The following THRAP3 variants were observed in gnomAD, a reference collection of about 807,000 sequenced individuals.
THRAP3 encodes the protein thyroid hormone receptor-associated protein 3.
A neutral mutation model predicts 101.0 loss-of-function variants in THRAP3; 16 were observed. That is an observed-to-expected ratio of 0.16 (90% CI 0.11 to 0.24). THRAP3 has a LOEUF of 0.24. THRAP3 is among the 10% of genes least tolerant of loss of function. The probability of loss-of-function intolerance (pLI) is 1.00; values close to 1 mark genes in which losing one functional copy is unlikely to be tolerated. For missense variants in THRAP3, 989 were observed against 1,202.7 expected, an observed-to-expected ratio of 0.82 and a Z score of 2.63; for synonymous variants, 407 against 422.6, an observed-to-expected ratio of 0.96 and a Z score of 0.45.
At position 36,291,451 on chromosome 1, in the gene THRAP3, G is replaced by A. The variant is rs41303413; in HGVS notation, c.1823G>A (p.Arg608His). Residue 608 changes from arginine (R) to histidine (H), a missense_variant, in exon 6 of 12, where the codon CGT becomes CAT. Physicochemically the swap from Arg to His is conservative, Grantham distance 29. Transcript: ENST00000354618. ...VHSNKKEQEF[R>H]SIFQHIQSAQ... ...AGCAACAAAAAGGAACAGGAGTTTC[G>A]TTCCATTTTCCAGCACATACAATCA... 1,604 of 1,614,192 alleles carry A rather than the reference G, an allele frequency of 9.9e-4. 2 individuals carry two copies. The highest frequency in any genetic ancestry group is 1.2e-3 in the Non-Finnish European group (1,453 of 1,180,044).
intron 8 of THRAP3, 95 bp downstream of exon 8, chr1:36,294,030 G>GT: frequency 6.5e-7 from 1 of 1,539,820 alleles, no homozygotes; most frequent in Non-Finnish European, 8.8e-7. Flanking sequence ...CTCTACTTAA[G>GT]TTTGTGTTTT....
the THRAP3 span, among the ~76,000 whole-genome samples, chr1:36,216,341 G>A: frequency 4.6e-5 from 7 of 151,834 alleles, no homozygotes; most frequent in East Asian, 1.2e-3. Context: ...CCAACATGGT[G>A]AAACCCCGTC....
chr1:36,226,438 G>A (rs1484968011), intron 1 of THRAP3, among the ~76,000 whole-genome samples: 1 of 151,914 alleles, frequency 6.6e-6, no homozygotes, highest in African/African-American at 2.4e-5. Flanking sequence ...TTTTGTATTT[G>A]TAGTAGAGAC....
the THRAP3 span, among the ~76,000 whole-genome samples, chr1:36,212,766 A>C: frequency 6.6e-6 from 1 of 152,152 alleles, no homozygotes; most frequent in Non-Finnish European, 1.5e-5. Flanking sequence ...CCAGAAGAAG[A>C]GGAGTGGAAG....
At chr1:36,256,774 A>G (rs546206270) in intron 1 of THRAP3, among the ~76,000 whole-genome samples, 4 of 152,214 alleles carry the variant, frequency 2.6e-5, no homozygotes, top group Non-Finnish European at 5.9e-5. Context: ...CCAACAGCTC[A>G]TTGGTAACCG....
At chr1:36,275,116 TACACAC>T (rs142851565) in intron 2 of THRAP3, among the ~76,000 whole-genome samples, 7 of 139,604 alleles carry the variant, frequency 5.0e-5, no homozygotes, top group East Asian at 2.2e-4. Flanking sequence ...TACTAAAAAA[TACACAC>T]ACACACACAC....
intron 1 of THRAP3, among the ~76,000 whole-genome samples, chr1:36,238,850 C>T (rs570929118): frequency 1.3e-5 from 2 of 152,224 alleles, no homozygotes; most frequent in South Asian, 4.2e-4. Context: ...GATCCTTCCA[C>T]CTCAGCTTCA....
chr1:36,237,106 G>A (rs948313799), intron 1 of THRAP3, among the ~76,000 whole-genome samples: 5 of 152,156 alleles, frequency 3.3e-5, no homozygotes, highest in East Asian at 1.9e-4. Context: ...AACCTGGGAG[G>A]TGGAGGTTGC....
chr1:36,267,421 T>G (rs967482281), intron 2 of THRAP3, among the ~76,000 whole-genome samples: 1 of 152,082 alleles, frequency 6.6e-6, no homozygotes, highest in Non-Finnish European at 1.5e-5. Context: ...GATGAAAAAA[T>G]AGAGGTAAAA....
chr1:36,260,738 T>C (rs1270070758), intron 2 of THRAP3, among the ~76,000 whole-genome samples: 2 of 149,310 alleles, frequency 1.3e-5, no homozygotes, highest in Non-Finnish European at 3.0e-5. Context: ...AGGAGAATGG[T>C]GTGAACCCAG....
intron 8 of THRAP3, among the ~76,000 whole-genome samples, chr1:36,295,176 T>G (rs1384230500): frequency 7.5e-6 from 1 of 133,946 alleles, no homozygotes; most frequent in Non-Finnish European, 1.5e-5. Context: ...TGAGCCAAGA[T>G]CCCGCCATTG....
Position 36,303,909 on chromosome 1 carries a change from C to G in THRAP3, c.2760C>G (p.Pro920=), listed in dbSNP as rs61739316. The change falls in exon 12 of 12, where the codon CCC becomes CCG. Residue 920 remains proline (P), a synonymous_variant. Transcript: ENST00000354618. ...TGTTCCGGAAATCAAGTACCAGCCC[C>G]AAGTGGGCCCATGACAAGTTCAGTG... The part of the protein sequence containing the change: ...RFMFRKSSTS[P]KWAHDKFSGE... 4.1e-5 allele frequency: 66 copies of G among 1,613,568 alleles called. No homozygotes were observed. The African/African-American group carries it at 8.4e-4, about 21-fold the overall frequency.
At chr1:36,245,270 G>A (rs1017172646) in intron 1 of THRAP3, among the ~76,000 whole-genome samples, 6 of 150,760 alleles carry the variant, frequency 4.0e-5, no homozygotes, top group Non-Finnish European at 7.4e-5. Context: ...AGGTTCAAGC[G>A]ATTCTCCTGC....
intron 2 of THRAP3, among the ~76,000 whole-genome samples, chr1:36,278,804 T>G (rs897290373): frequency 1.3e-5 from 2 of 151,992 alleles, no homozygotes; most frequent in Admixed American, 6.6e-5. Context: ...GCGCCTGTAA[T>G]TCCAGCTACT....
intron 6 of THRAP3, among the ~76,000 whole-genome samples, chr1:36,291,909 A>G (rs761876605): frequency 5.3e-5 from 8 of 152,176 alleles, no homozygotes; most frequent in Non-Finnish European, 7.3e-5. Flanking sequence ...AAAGTATTCT[A>G]TCATCCCCCT....
chr1:36,288,675 T>G (rs190905367), intron 4 of THRAP3: 6 of 985,404 alleles, frequency 6.1e-6, no homozygotes, highest in Non-Finnish European at 7.2e-6. Flanking sequence ...ATGTTAACTT[T>G]GCTGAAAGCA....
At chr1:36,212,423 T>C in the THRAP3 span, among the ~76,000 whole-genome samples, 3 of 146,704 alleles carry the variant, frequency 2.0e-5, no homozygotes, top group Non-Finnish European at 4.5e-5. Flanking sequence ...TCTTTCTTTT[T>C]TTTTTTTTTT....
chr1:36,285,339 A>G (rs1316393493), intron 3 of THRAP3, among the ~76,000 whole-genome samples: 1 of 152,210 alleles, frequency 6.6e-6, no homozygotes, highest in African/African-American at 2.4e-5. Flanking sequence ...GATCTATATC[A>G]TAGTAGATAG....
chr1:36,299,015 A>G (rs1645996122), intron 9 of THRAP3, among the ~76,000 whole-genome samples: 1 of 152,038 alleles, frequency 6.6e-6, no homozygotes, highest in African/African-American at 2.4e-5. Context: ...GATGGTCTAG[A>G]ACTCCTGGGC....
Sources: gnomAD v4.1 joint callset for allele counts (sites outside exome capture counted in the v4.1 genomes callset) on GRCh38, gnomAD v4.1.1 for gene constraint, MANE v1.5 for transcripts, NCBI Gene and HGNC (gene_info 2026-07-23, HGNC 2026-07-21) for gene names.